Variants in CALM2 observed in about 807,000 individuals in gnomAD.
CALM2 encodes the protein calmodulin 2.
In CALM2, 2 loss-of-function variants were observed where a neutral mutation model predicts 19.8. The ratio of observed to expected loss-of-function variants is 0.10; its 90% CI spans 0.04 to 0.32. The LOEUF (loss-of-function observed/expected upper bound fraction) is 0.32. CALM2 is among the 10% of genes least tolerant of loss of function. The pLI is 1.00. For synonymous variants in CALM2, 51 were observed against 52.1 expected, an observed-to-expected ratio of 0.98 and a Z score of 0.09; for missense variants, 38 against 178.7, an observed-to-expected ratio of 0.21 and a Z score of 4.49.
chr2:47,176,207 G>C, intron 1 of CALM2: 1 of 533,002 alleles, frequency 1.9e-6, no homozygotes, highest in South Asian at 2.6e-5. Flanking sequence ...TCACCACCTC[G>C]GGAACTGTGC....
intron 2 of CALM2, among the ~76,000 whole-genome samples, chr2:47,168,408 ATG>A (rs1311665196): frequency 2.0e-5 from 3 of 152,192 alleles, no homozygotes; most frequent in African/African-American, 7.2e-5. Flanking sequence ...CAGGTCCTGA[ATG>A]TCACAGTTTT....
chr2:47,163,728 C>G (rs939415262), intron 2 of CALM2: 3 of 152,154 alleles, frequency 2.0e-5, no homozygotes, highest in Non-Finnish European at 4.4e-5. Context: ...CCACTGTGCC[C>G]GGCTATATGT....
At chr2:47,166,438 C>T (rs1157317114) in intron 2 of CALM2, among the ~76,000 whole-genome samples, 1 of 152,138 alleles carries the variant, frequency 6.6e-6, no homozygotes, top group African/African-American at 2.4e-5. Flanking sequence ...TAGTGTAAGA[C>T]TATGTATAAC....
At chr2:47,174,566 T>C (rs1298398227) in intron 1 of CALM2, among the ~76,000 whole-genome samples, 1 of 152,202 alleles carries the variant, frequency 6.6e-6, no homozygotes, top group East Asian at 1.9e-4. Flanking sequence ...TTGTCTCTTA[T>C]AGTAAGAGCT....
intron 4 of CALM2, 89 bp downstream of exon 4, chr2:47,162,197 A>AAC (rs1687180624): frequency 2.4e-5 from 11 of 462,374 alleles, no homozygotes; most frequent in South Asian, 2.1e-4. Context: ...AAAAAAAAAA[A>AAC]AAACAACCAA....
At chr2:47,170,828 C>A in intron 1 of CALM2, 64 bp from the exon 2 acceptor site, 7 of 1,372,926 alleles carry the variant, frequency 5.1e-6, no homozygotes, top group Non-Finnish European at 7.3e-6. Flanking sequence ...GTTACAGAAA[C>A]AAGTTTAAAA....
upstream of CALM2, chr2:47,176,915 G>C (rs952353748): frequency 2.0e-5 from 20 of 985,270 alleles, no homozygotes; most frequent in Middle Eastern, 5.2e-4. Flanking sequence ...GTTGCTGCTC[G>C]GGCCGCGCTG....
rs916311460 is a variant in CALM2, at chr2:47,175,853, G to C, written c.3+588C>G. Among the ~76,000 whole-genome samples the C allele has an allele frequency of 8.1e-5, 12 of 147,762 alleles. No homozygotes were observed. In the East Asian group the frequency reaches 2.0e-3, roughly 24 times the overall value. On this transcript the variant is annotated intron_variant, in intron 1 of 5. Transcript: ENST00000272298. ...CCACCGGCCGCTCCCTGCGCCGCGC[G>C]GGCTCGGCCCACACAGCGCGCCGCC...
chr2:47,165,496 T>C (rs1388026261), intron 2 of CALM2, among the ~76,000 whole-genome samples: 1 of 152,170 alleles, frequency 6.6e-6, no homozygotes, highest in Non-Finnish European at 1.5e-5. Flanking sequence ...ATAAAGACTA[T>C]CTCATTTTTT....
At chr2:47,170,147 C>G (rs190431433) in intron 2 of CALM2, among the ~76,000 whole-genome samples, 2 of 152,210 alleles carry the variant, frequency 1.3e-5, no homozygotes, top group Non-Finnish European at 2.9e-5. Context: ...CTAAAAGGGA[C>G]AAGATTTAAG....
chr2:47,162,276 C>T lies in CALM2; in HGVS notation c.285+10G>A, dbSNP rs773079216. 3.9e-6 allele frequency: 6 copies of T among 1,531,694 alleles called. No homozygotes were observed. The East Asian group carries it at 6.8e-5, about 17-fold the overall frequency. 94.9% of individuals were successfully genotyped at this position (1,531,694 alleles called of 1,614,324 possible). On this transcript the variant is annotated intron_variant, in intron 4 of 5. Coordinates refer to ENST00000272298, the MANE Select transcript of CALM2 (RefSeq NM_001743.6). ...TCCTCAAAATTTAACATATCCAGTC[C>T]TTGACGTACCTTATCAAACACACGG...
At chr2:47,168,690 G>C (rs1666568130) in intron 2 of CALM2, among the ~76,000 whole-genome samples, 1 of 151,670 alleles carries the variant, frequency 6.6e-6, no homozygotes, top group African/African-American at 2.4e-5. Flanking sequence ...CTCCAGCCTG[G>C]GCAACAAGAG....
At chr2:47,170,840 CTTTCAAGGGTTACCATGTACTG>C in intron 1 of CALM2, 76 bp from the exon 2 acceptor site, 1 of 1,156,052 alleles carries the variant, frequency 8.7e-7, no homozygotes, top group Non-Finnish European at 1.3e-6. Flanking sequence ...AGTTTAAAAC[CTTTCAAGGGTTACCATGTACTG>C]TTTCATTTAG....
rs1666704096 is a variant in CALM2 at position 47,172,514 on chromosome 2, T to C, written c.4-1750A>G. 7 of 1,206,796 alleles carry C rather than the reference T, an allele frequency of 5.8e-6. No homozygotes were observed. In the South Asian group the frequency reaches 9.2e-5, roughly 16 times the overall value. 74.8% of individuals were successfully genotyped at this position (1,206,796 alleles called of 1,614,324 possible). On this transcript the variant is annotated intron_variant, in intron 1 of 5. Coordinates refer to ENST00000272298, the MANE Select transcript of CALM2 (RefSeq NM_001743.6). ...ATATAAATTAACAAAGAACCTACAATGTTAAATATCAACCTGACTAGCTCA... is the reference window on the plus strand; with the variant it reads ...ATATAAATTAACAAAGAACCTACAACGTTAAATATCAACCTGACTAGCTCA...
intron 1 of CALM2, chr2:47,171,597 AGAT>A (rs942349450): frequency 2.6e-5 from 4 of 152,212 alleles, no homozygotes; most frequent in African/African-American, 9.6e-5. Flanking sequence ...TAATATATAA[AGAT>A]GATTGCAAAA....
At chr2:47,176,092 C>T in intron 1 of CALM2, 1 of 320,668 alleles carries the variant, frequency 3.1e-6, no homozygotes, top group Non-Finnish European at 5.7e-6. Flanking sequence ...CGACAGAAGG[C>T]TCTCTACGCT....
chr2:47,174,223 T>C (rs1239317463), intron 1 of CALM2: 1 of 152,222 alleles, frequency 6.6e-6, no homozygotes, highest in Non-Finnish European at 1.5e-5. Flanking sequence ...TACTTCCGTA[T>C]AAAATTTTTT....
At chr2:47,164,538 A>C (rs1666394079) in intron 2 of CALM2, among the ~76,000 whole-genome samples, 1 of 151,726 alleles carries the variant, frequency 6.6e-6, no homozygotes, top group East Asian at 1.9e-4. Context: ...CGGAGGTTGC[A>C]GTGAGCCGAG....
At chr2:47,174,902 C>G (rs1184532503) in intron 1 of CALM2, among the ~76,000 whole-genome samples, 1 of 151,994 alleles carries the variant, frequency 6.6e-6, no homozygotes, top group Non-Finnish European at 1.5e-5. Context: ...TCAATGAACG[C>G]TAGTTTTATT....
Sources: allele counts gnomAD v4.1 joint callset (sites outside exome capture counted in the v4.1 genomes callset), GRCh38; gene constraint gnomAD v4.1.1; transcripts MANE v1.5; gene names NCBI Gene and HGNC (gene_info 2026-07-23, HGNC 2026-07-21).